Variants in MAPK10 observed in about 807,000 individuals in gnomAD.
MAPK10 encodes mitogen-activated protein kinase 10, also known as JNK3 alpha protein kinase.
In MAPK10, 25 loss-of-function variants were observed where a neutral mutation model predicts 59.3. The observed-to-expected ratio is 0.42, with a 90% CI of 0.31 to 0.59. The LOEUF (loss-of-function observed/expected upper bound fraction) is 0.59. MAPK10 is among the 20% of genes least tolerant of loss of function. The probability of loss-of-function intolerance (pLI) is 0.15; values close to 1 mark genes in which losing one functional copy is unlikely to be tolerated. For synonymous variants in MAPK10, 190 were observed against 200.5 expected, an observed-to-expected ratio of 0.95 and a Z score of 0.44; for missense variants, 351 against 568.9, an observed-to-expected ratio of 0.62 and a Z score of 3.90.
chr4:86,034,932 G>A (rs1208496661), intron 11 of MAPK10, among the ~76,000 whole-genome samples: 1 of 152,122 alleles, frequency 6.6e-6, no homozygotes, highest in African/African-American at 2.4e-5. Context: ...GGTAGTGGTG[G>A]TGCATGTGTT....
At chr4:86,540,673 GGAA>G (rs1372036588) in intron 1 of MAPK10, among the ~76,000 whole-genome samples, 1 of 152,142 alleles carries the variant, frequency 6.6e-6, no homozygotes, top group African/African-American at 2.4e-5. Flanking sequence ...CTGATAGCAA[GGAA>G]GAAGAATAAT....
At chr4:86,333,559 T>A (rs751066975) in intron 2 of MAPK10, among the ~76,000 whole-genome samples, 13 of 152,328 alleles carry the variant, frequency 8.5e-5, no homozygotes, top group Non-Finnish European at 1.8e-4. Context: ...TCAGCCTTAA[T>A]CTTCCTTGAC....
At chr4:86,106,796 A>G (rs2056620379) in intron 5 of MAPK10, 1 of 152,506 alleles carries the variant, frequency 6.6e-6, no homozygotes, top group African/African-American at 2.4e-5. Flanking sequence ...TAAAAAGGAG[A>G]TAACATGAAT....
At chr4:86,324,064 A>G (rs988987213) in intron 2 of MAPK10, among the ~76,000 whole-genome samples, 2 of 152,164 alleles carry the variant, frequency 1.3e-5, no homozygotes, top group African/African-American at 4.8e-5. Flanking sequence ...GGTTTTAGAG[A>G]AGCAACATCA....
At chr4:86,146,379 G>T (rs1273071415) in intron 4 of MAPK10, among the ~76,000 whole-genome samples, 1 of 152,210 alleles carries the variant, frequency 6.6e-6, no homozygotes, top group Non-Finnish European at 1.5e-5. Flanking sequence ...AGGTTATGTA[G>T]AAGCTGGTCA....
intron 1 of MAPK10, among the ~76,000 whole-genome samples, chr4:86,482,043 T>G (rs1461706956): frequency 1.3e-5 from 2 of 152,266 alleles, no homozygotes; most frequent in African/African-American, 2.4e-5. Context: ...TTCAAGAAAT[T>G]TATAATTGAT....
rs1275574509 is a variant in MAPK10 at position 86,589,978 on chromosome 4, C to T, written c.-263+3932G>A. Among the ~76,000 whole-genome samples, 6 of 140,760 alleles carry T rather than the reference C, an allele frequency of 4.3e-5. No individual in the cohort carries two copies. The Admixed American group carries it at 4.3e-4, about 10-fold the overall frequency. 92.3% of individuals were successfully genotyped at this position (140,760 alleles called of 152,430 possible). On this transcript the variant is annotated intron_variant, in intron 1 of 4. Transcript: ENST00000502302. ...CAGCCTGGGCTACAGAGCAAGACTC[C>T]ATCTTAAAAAAAAAAAAAAAAGGGA... is the stretch of plus-strand genomic sequence containing the variant.
chr4:86,197,285 T>A (rs1252234190), intron 2 of MAPK10, among the ~76,000 whole-genome samples: 26 of 152,144 alleles, frequency 1.7e-4, no homozygotes, highest in Admixed American at 1.7e-3. Flanking sequence ...TCATATCCCT[T>A]GTAAGTTGTC....
At chr4:86,485,031 T>A (rs756256732) in intron 1 of MAPK10, among the ~76,000 whole-genome samples, 1 of 152,152 alleles carries the variant, frequency 6.6e-6, no homozygotes, top group Non-Finnish European at 1.5e-5. Context: ...ATTTACAAGG[T>A]CGGATGAATA....
intron 1 of MAPK10, among the ~76,000 whole-genome samples, chr4:86,518,453 T>C (rs1756868179): frequency 6.6e-6 from 1 of 152,240 alleles, no homozygotes; most frequent in South Asian, 2.1e-4. Flanking sequence ...GTGGTATCGG[T>C]TGTAATATCT....
chr4:86,354,516 A>T lies in MAPK10; in HGVS notation c.-7+14T>A, dbSNP rs980268776. Reference sequence around the variant, plus strand: ...GTTTTCATGCTAAGGAATATTTTTAAATTGGCAACTCACCACAGCTTGTAT... The same window carrying T: ...GTTTTCATGCTAAGGAATATTTTTATATTGGCAACTCACCACAGCTTGTAT... On this transcript the variant is annotated intron_variant, in intron 2 of 13. Coordinates refer to ENST00000641462, the MANE Select transcript of MAPK10 (RefSeq NM_138982.4). The T allele has an allele frequency of 9.6e-6, 11 of 1,150,096 alleles. No homozygotes were observed. The highest frequency in any genetic ancestry group is 9.9e-6 in the Non-Finnish European group (9 of 913,458). 71.2% of individuals were successfully genotyped at this position (1,150,096 alleles called of 1,614,324 possible).
At chr4:86,172,141 T>G (rs1174593058) in intron 3 of MAPK10, among the ~76,000 whole-genome samples, 1 of 138,398 alleles carries the variant, frequency 7.2e-6, no homozygotes, top group Non-Finnish European at 1.5e-5. Flanking sequence ...GTAAAGTAGT[T>G]CAGCCATTGT....
chr4:86,120,969 A>C (rs2059141289), intron 4 of MAPK10, among the ~76,000 whole-genome samples: 1 of 152,224 alleles, frequency 6.6e-6, no homozygotes, highest in South Asian at 2.1e-4. Context: ...AATAAAATTA[A>C]AACTACATAT....
chr4:86,032,083 C>T (rs935213704), intron 11 of MAPK10: 3 of 152,122 alleles, frequency 2.0e-5, no homozygotes, highest in African/African-American at 7.2e-5. Flanking sequence ...GGTAGGTCAC[C>T]TTGAATCCCT....
At chr4:86,363,243 A>C (rs965856064), upstream of MAPK10, among the ~76,000 whole-genome samples, 1 of 152,228 alleles carries the variant, frequency 6.6e-6, no homozygotes, top group Non-Finnish European at 1.5e-5. Flanking sequence ...ACTAGTTATT[A>C]TAAATAATTT....
intron 1 of MAPK10, among the ~76,000 whole-genome samples, chr4:86,439,270 C>G (rs1749140006): frequency 6.6e-6 from 1 of 152,048 alleles, no homozygotes; most frequent in African/African-American, 2.4e-5. Context: ...TTAAAGTCAG[C>G]CTCTCACCCC....
intron 1 of MAPK10, among the ~76,000 whole-genome samples, chr4:86,586,457 C>T (rs1275359712): frequency 4.6e-5 from 7 of 152,166 alleles, no homozygotes; most frequent in South Asian, 2.1e-4. Context: ...ACTTCCCCTT[C>T]GTTAATTTGA....
chr4:86,089,431 T>G (rs1469109238), intron 9 of MAPK10: 2 of 580,324 alleles, frequency 3.4e-6, no homozygotes, highest in Non-Finnish European at 6.1e-6. Context: ...TTTTAAATGG[T>G]GGAAAGGGGA....
chr4:86,345,680 C>T (rs985871569), intron 2 of MAPK10, among the ~76,000 whole-genome samples: 1 of 152,142 alleles, frequency 6.6e-6, no homozygotes, highest in Non-Finnish European at 1.5e-5. Context: ...CTTCTAAACT[C>T]GAACAAACAC....
Sources: allele counts gnomAD v4.1 joint callset (sites outside exome capture counted in the v4.1 genomes callset), GRCh38; gene constraint gnomAD v4.1.1; transcripts MANE v1.5; gene names NCBI Gene and HGNC (gene_info 2026-07-23, HGNC 2026-07-21).